PIK3R4: variants seen among roughly 807,000 people sequenced by gnomAD.
PIK3R4 encodes phosphoinositide-3-kinase regulatory subunit 4, also known as phosphoinositide 3-kinase regulatory subunit 4.
Under a neutral mutation model 136.5 loss-of-function variants are expected in PIK3R4, and 46 were observed. The ratio of observed to expected loss-of-function variants is 0.34; its 90% CI spans 0.27 to 0.43. The LOEUF is 0.43. Ranked by LOEUF, PIK3R4 falls within the 20% of genes least tolerant of loss-of-function variation. The pLI is 1.00. For missense variants in PIK3R4, 1,331 were observed against 1,649.5 expected (o/e 0.81, Z 3.35); for synonymous variants, 557 against 566.7 (o/e 0.98, Z 0.24).
At chr3:130,681,284 T>C (rs571718024) in intron 17 of PIK3R4, among the ~76,000 whole-genome samples, 5 of 152,330 alleles carry the variant, frequency 3.3e-5, no homozygotes, top group Non-Finnish European at 4.4e-5. Context: ...ACAAGCTTTA[T>C]GGGCTAGCAA....
chr3:130,716,908 T>C (rs2066668133), intron 8 of PIK3R4, among the ~76,000 whole-genome samples: 1 of 152,164 alleles, frequency 6.6e-6, no homozygotes, highest in East Asian at 1.9e-4. Context: ...ACGTCCTAGA[T>C]CTAAAAAGTA....
chr3:130,681,454 A>G (rs2066457696), intron 17 of PIK3R4, 37 bp downstream of exon 17: 1 of 1,209,406 alleles, frequency 8.3e-7, no homozygotes. Context: ...GATGTGGGGA[A>G]TAATATCATC....
Position 130,743,525 on chromosome 3 carries a change from C to A in PIK3R4, c.733+961G>T, listed in dbSNP as rs150064299. Among the ~76,000 whole-genome samples the A allele has an allele frequency of 5.5e-3, 839 of 152,336 alleles. 4 individuals carry two copies. Among genetic ancestry groups the A allele is most frequent in the Non-Finnish European group, 7.8e-3 (529 of 68,028 alleles). On this transcript the variant is annotated intron_variant, in intron 2 of 19. Transcript: ENST00000356763. Reference sequence around the variant, plus strand: ...AACTTACCATATCTTAAACAGACCTCATCATCTTCCCAACCTAACCTGTTG... The same window carrying A: ...AACTTACCATATCTTAAACAGACCTAATCATCTTCCCAACCTAACCTGTTG...
In PIK3R4 at chr3:130,706,964, A is replaced by C. The variant is rs375768741; in HGVS notation, c.2705T>G (p.Leu902Trp). The change falls in exon 11 of 20, where the codon TTG becomes TGG. Residue 902 changes from leucine to tryptophan, a missense_variant. Leu to Trp is a moderately conservative substitution (Grantham distance 61). Around this residue, in one of 2 missense-constraint regions of PIK3R4, gnomAD observed 1,180 missense variants for 1,407.0 expected, o/e 0.84. Transcript: ENST00000356763. Reference sequence around the variant, plus strand: ...ACACAGTACCTGTGAAGAAGTTGACAAAGGGACACAAATGCCAGCAGAGGA... The same window carrying C: ...ACACAGTACCTGTGAAGAAGTTGACCAAGGGACACAAATGCCAGCAGAGGA... ...SESSAGICVP[L>W]STSSQVPEVT... The C allele has an allele frequency of 1.9e-6, 3 of 1,609,718 alleles. No individual in the cohort carries two copies. Among genetic ancestry groups the C allele is most frequent in the African/African-American group, 1.3e-5 (1 of 74,782 alleles).
intron 9 of PIK3R4, among the ~76,000 whole-genome samples, chr3:130,710,239 A>G (rs971769332): frequency 1.7e-4 from 26 of 152,022 alleles, no homozygotes; most frequent in African/African-American, 5.6e-4. Flanking sequence ...ATATAGATAC[A>G]ATATGACAAA....
In PIK3R4 at chr3:130,716,448, G is replaced by A. The variant is rs1346891767; in HGVS notation, c.2279C>T (p.Pro760Leu). 1.2e-6 allele frequency: 2 copies of A among 1,614,048 alleles called. No homozygotes were observed. Among genetic ancestry groups the A allele is most frequent in the East Asian group, 4.5e-5 (2 of 44,888 alleles). Residue 760 changes from proline (P) to leucine (L), a missense_variant, in exon 9 of 20, where the codon CCT (proline) becomes CTT (leucine). Pro to Leu is a moderately conservative substitution (Grantham distance 98). Coordinates refer to ENST00000356763, the MANE Select transcript of PIK3R4 (RefSeq NM_014602.3). Reference sequence around the variant, plus strand: ...TGCTATGGCAGGATCCTCTGGCGGAGGGCAGTCGGGAAGAGAACCATTTCG... The same window carrying A: ...TGCTATGGCAGGATCCTCTGGCGGAAGGCAGTCGGGAAGAGAACCATTTCG... ...KKRNGSLPDC[P>L]PPEDPAIAQL...
chr3:130,695,768 A>C (rs909263208), intron 13 of PIK3R4, among the ~76,000 whole-genome samples: 2 of 152,190 alleles, frequency 1.3e-5, no homozygotes, highest in African/African-American at 4.8e-5. Flanking sequence ...ATATGTACAC[A>C]TAACAAAAAC....
In PIK3R4 at chr3:130,744,799, G is replaced by C. The variant is rs2066843594; in HGVS notation, c.420C>G (p.His140Gln). 1 of 1,614,238 alleles carries C rather than the reference G, an allele frequency of 6.2e-7. No homozygotes were observed. The change falls in exon 2 of 20, where the codon CAC (histidine) becomes CAG (glutamine). Residue 140 changes from histidine (H) to glutamine (Q), a missense_variant. Coordinates refer to ENST00000356763, the MANE Select transcript of PIK3R4 (RefSeq NM_014602.3). ...FQILTAVDQA[H>Q]KSGVRHGDIK... ...TGTCCCCATGACGAACTCCAGATTT[G>C]TGTGCTTGGTCCACAGCTGTCAGGA...
intron 13 of PIK3R4, among the ~76,000 whole-genome samples, chr3:130,696,350 T>A (rs2066546482): frequency 6.6e-6 from 1 of 152,092 alleles, no homozygotes; most frequent in Non-Finnish European, 1.5e-5. Context: ...AGGTTAGGGT[T>A]AAATTACTAA....
intron 16 of PIK3R4, among the ~76,000 whole-genome samples, chr3:130,683,099 A>G (rs979258342): frequency 2.0e-5 from 3 of 152,178 alleles, no homozygotes. Flanking sequence ...GTGGGATGAG[A>G]AAAAGAGCAG....
In PIK3R4 at chr3:130,744,803, G is replaced by A. The variant is rs750809084; in HGVS notation, c.416C>T (p.Ala139Val). The change falls in exon 2 of 20, where the codon GCA (alanine) becomes GTA (valine). Residue 139 changes from alanine (A) to valine (V), a missense_variant. Around this residue, in one of 2 missense-constraint regions of PIK3R4, gnomAD observed 151 missense variants for 242.5 expected, o/e 0.62. Coordinates refer to ENST00000356763, the MANE Select transcript of PIK3R4 (RefSeq NM_014602.3). Reference protein sequence around the residue: ...AFQILTAVDQAHKSGVRHGDI... With the variant: ...AFQILTAVDQVHKSGVRHGDI... ...CCCATGACGAACTCCAGATTTGTGT[G>A]CTTGGTCCACAGCTGTCAGGATCTG... The A allele has an allele frequency of 6.2e-7, 1 of 1,614,184 alleles. No individual in the cohort carries two copies. The highest frequency in any genetic ancestry group is 8.5e-7 in the Non-Finnish European group (1 of 1,180,014).
chr3:130,688,499 T>C (rs1187737759), intron 14 of PIK3R4, among the ~76,000 whole-genome samples: 2 of 152,240 alleles, frequency 1.3e-5, no homozygotes, highest in Admixed American at 1.3e-4. Context: ...TACATCCTGG[T>C]TAACTTTTTA....
chr3:130,715,195 C>T (rs1005602690), intron 9 of PIK3R4, among the ~76,000 whole-genome samples: 5 of 144,680 alleles, frequency 3.5e-5, no homozygotes, highest in Non-Finnish European at 7.4e-5. Context: ...GCGATCTTTG[C>T]TCACTGCAAC....
rs746011721 is a variant in PIK3R4, at chr3:130,703,817, A to G, written c.3004T>C (p.Ser1002Pro). ...GTTGCAAAAAGTGAGTGTTCATCAG[A>G]GACTCTAATTCGATTCACAGCAGAT... is the stretch of plus-strand genomic sequence containing the variant. ...HKSAVNRIRV[S>P]DEHSLFATCS... Residue 1002 changes from serine to proline, a missense_variant, in exon 13 of 20, where the codon TCT becomes CCT. Physicochemically the swap from Ser to Pro is moderately conservative, Grantham distance 74. Transcript: ENST00000356763. 1 of 1,612,430 alleles carries G rather than the reference A, an allele frequency of 6.2e-7. No individual in the cohort carries two copies. The highest frequency in any genetic ancestry group is 1.7e-5 in the Admixed American group (1 of 60,004).
chr3:130,739,522 C>T (rs186420605), intron 2 of PIK3R4, among the ~76,000 whole-genome samples: 114 of 152,192 alleles, frequency 7.5e-4, no homozygotes, highest in African/African-American at 2.5e-3. Flanking sequence ...CAGGTGTACA[C>T]CACCACGCCC....
At chr3:130,718,138 A>G (rs1462196608) in intron 8 of PIK3R4, among the ~76,000 whole-genome samples, 1 of 152,196 alleles carries the variant, frequency 6.6e-6, no homozygotes. Flanking sequence ...AATATTACAC[A>G]AAAGAAAATA....
At chr3:130,746,045 A>AAAAACTG (rs2066851667) in intron 1 of PIK3R4, among the ~76,000 whole-genome samples, 1 of 151,570 alleles carries the variant, frequency 6.6e-6, no homozygotes, top group African/African-American at 2.4e-5. Flanking sequence ...AAAAAAAAAG[A>AAAAACTG]AAAACTGAAA....
chr3:130,688,606 C>T (rs761050887), intron 14 of PIK3R4, among the ~76,000 whole-genome samples: 26 of 152,128 alleles, frequency 1.7e-4, no homozygotes, highest in Non-Finnish European at 2.9e-4. Flanking sequence ...TTGCATGAGT[C>T]AATAACTCAT....
Position 130,722,880 on chromosome 3 carries a change from C to A in PIK3R4, c.1981+534G>T, listed in dbSNP as rs531074753. 5.4e-5 allele frequency among the ~76,000 whole-genome samples: 8 copies of A among 149,314 alleles called. 1 individual carries two copies. In the South Asian group the frequency reaches 1.5e-3, roughly 28 times the overall value. ...GACCAGCCTGGCCAACATGGTAAAA[C>A]CCCGTCTCTACTAAAAATACAAAAA... On this transcript the variant is annotated intron_variant, in intron 7 of 19. Coordinates refer to ENST00000356763, the MANE Select transcript of PIK3R4 (RefSeq NM_014602.3).
Sources: allele counts gnomAD v4.1 joint callset (sites outside exome capture counted in the v4.1 genomes callset), GRCh38; gene constraint gnomAD v4.1.1; regional missense constraint gnomAD v4.1.1; transcripts MANE v1.5; gene names NCBI Gene and HGNC (gene_info 2026-07-23, HGNC 2026-07-21).